Variants in BCKDHB observed in about 807,000 individuals in gnomAD.
The protein encoded by BCKDHB is branched chain keto acid dehydrogenase E1 subunit beta.
In BCKDHB, 41 loss-of-function variants were observed where a neutral mutation model predicts 48.5. The observed-to-expected ratio is 0.85, with a 90% CI of 0.66 to 1.10. BCKDHB has a LOEUF of 1.10. Ranked by LOEUF, BCKDHB falls within the 50% of genes least tolerant of loss-of-function variation. The probability of loss-of-function intolerance (pLI) is 0.00; values close to 1 mark genes in which losing one functional copy is unlikely to be tolerated. For synonymous variants in BCKDHB, 201 were observed against 174.8 expected, an observed-to-expected ratio of 1.15 and a Z score of -1.18; for missense variants, 496 against 494.2, an observed-to-expected ratio of 1.00 and a Z score of -0.03.
intron 8 of BCKDHB, among the ~76,000 whole-genome samples, chr6:80,252,339 C>T (rs535354984): frequency 1.3e-5 from 2 of 152,122 alleles, no homozygotes; most frequent in African/African-American, 2.4e-5. Flanking sequence ...ACAATGTTAT[C>T]GCTCAGATCA....
chr6:80,400,629 A>T, the BCKDHB span, among the ~76,000 whole-genome samples: 1 of 152,100 alleles, frequency 6.6e-6, no homozygotes, highest in South Asian at 2.1e-4. Flanking sequence ...GGGAGTTTAA[A>T]CTAGTTCAAC....
intron 9 of BCKDHB, among the ~76,000 whole-genome samples, chr6:80,328,809 C>T (rs1192814828): frequency 2.0e-5 from 3 of 152,052 alleles, no homozygotes; most frequent in Non-Finnish European, 4.4e-5. Flanking sequence ...GAGAGAATGT[C>T]AATGAGGGAG....
At position 80,165,519 on chromosome 6, in the gene BCKDHB, T is replaced by C. The variant is rs190376842; in HGVS notation, c.344-2159T>C. On this transcript the variant is annotated intron_variant, in intron 3 of 9. Coordinates refer to ENST00000320393, the MANE Select transcript of BCKDHB (RefSeq NM_183050.4). ...TATATATGAAAAAGAACTGGTATCCTTGGATTATGGAAGTGAAATATGAAT... is the reference window on the plus strand; with the variant it reads ...TATATATGAAAAAGAACTGGTATCCCTGGATTATGGAAGTGAAATATGAAT... 3.3e-5 allele frequency among the ~76,000 whole-genome samples: 5 copies of C among 152,322 alleles called. No individual in the cohort carries two copies. The East Asian group carries it at 9.6e-4, about 29-fold the overall frequency.
At chr6:80,176,614 AG>A (rs1295553043) in intron 6 of BCKDHB, among the ~76,000 whole-genome samples, 1 of 152,088 alleles carries the variant, frequency 6.6e-6, no homozygotes, top group Non-Finnish European at 1.5e-5. Flanking sequence ...CTCTTGGAGA[AG>A]AAAAAAAAAA....
At chr6:80,328,467 A>G (rs1256934401) in intron 9 of BCKDHB, among the ~76,000 whole-genome samples, 1 of 152,186 alleles carries the variant, frequency 6.6e-6, no homozygotes, top group East Asian at 1.9e-4. Flanking sequence ...ATGTTTTGTC[A>G]TTCTTTAGTT....
At chr6:80,431,291 A>G in the BCKDHB span, among the ~76,000 whole-genome samples, 3 of 152,314 alleles carry the variant, frequency 2.0e-5, no homozygotes, top group South Asian at 6.2e-4. Context: ...AAGAATGTAT[A>G]TTCTGTTGAT....
intron 9 of BCKDHB, among the ~76,000 whole-genome samples, chr6:80,323,077 A>G (rs1375437081): frequency 6.6e-6 from 1 of 152,060 alleles, no homozygotes; most frequent in African/African-American, 2.4e-5. Context: ...GCATAACTGG[A>G]CTAGTCACTT....
chr6:80,326,867 A>G (rs1478724625), intron 9 of BCKDHB, among the ~76,000 whole-genome samples: 1 of 152,180 alleles, frequency 6.6e-6, no homozygotes, highest in Non-Finnish European at 1.5e-5. Context: ...CTCAGTCTCA[A>G]AAGAAAAGAA....
chr6:80,354,946 A>G, the BCKDHB span, among the ~76,000 whole-genome samples: 2 of 152,306 alleles, frequency 1.3e-5, no homozygotes, highest in African/African-American at 2.4e-5. Flanking sequence ...TGATGCCTCC[A>G]GCTTTGTTCT....
chr6:80,439,199 T>A, the BCKDHB span, among the ~76,000 whole-genome samples: 1 of 152,168 alleles, frequency 6.6e-6, no homozygotes, highest in South Asian at 2.1e-4. Context: ...TACAACCTAG[T>A]TCAGAGGTTT....
chr6:80,107,518 T>TATACATATGCAC (rs1769166677), intron 1 of BCKDHB, among the ~76,000 whole-genome samples: 1 of 121,686 alleles, frequency 8.2e-6, no homozygotes, highest in Admixed American at 7.7e-5. Context: ...TGTGCGCATA[T>TATACATATGCAC]ATATATATAT....
rs138306461 is a variant in BCKDHB at position 80,170,226 on chromosome 6, T to G, written c.634-1056T>G. On this transcript the variant is annotated intron_variant, in intron 5 of 9. Transcript: ENST00000320393. ...TTTTTTATACAGAAAATAGTGACATTTTTGCTGCTCTTTTATTTTTAAAAT... is the reference window on the plus strand; with the variant it reads ...TTTTTTATACAGAAAATAGTGACATGTTTGCTGCTCTTTTATTTTTAAAAT... Among the ~76,000 whole-genome samples the G allele has an allele frequency of 1.7e-3, 265 of 152,278 alleles. 1 individual carries two copies. The highest frequency in any genetic ancestry group is 6.0e-3 in the African/African-American group (251 of 41,562).
At chr6:80,352,897 A>T in the BCKDHB span, among the ~76,000 whole-genome samples, 2 of 152,146 alleles carry the variant, frequency 1.3e-5, no homozygotes, top group Admixed American at 1.3e-4. Flanking sequence ...TACTCCATGG[A>T]AGTTTATTTT....
At chr6:80,253,964 T>A (rs1233667893) in intron 8 of BCKDHB, among the ~76,000 whole-genome samples, 1 of 151,892 alleles carries the variant, frequency 6.6e-6, no homozygotes, top group East Asian at 1.9e-4. Flanking sequence ...TAAGCAACAT[T>A]TCATAATAAA....
At chr6:80,326,511 C>T (rs1769036174) in intron 9 of BCKDHB, among the ~76,000 whole-genome samples, 1 of 152,172 alleles carries the variant, frequency 6.6e-6, no homozygotes. Flanking sequence ...CTGGATTTCA[C>T]TAAAATTAAC....
the BCKDHB span, among the ~76,000 whole-genome samples, chr6:80,397,415 G>T: frequency 1.3e-5 from 2 of 152,288 alleles, no homozygotes; most frequent in Non-Finnish European, 2.9e-5. Flanking sequence ...GTGTATGTGT[G>T]TGTGTTTTTC....
chr6:80,392,012 A>G, the BCKDHB span, among the ~76,000 whole-genome samples: 1 of 152,024 alleles, frequency 6.6e-6, no homozygotes, highest in Non-Finnish European at 1.5e-5. Context: ...GTTATTATTG[A>G]GATGGAGTCC....
At chr6:80,418,186 G>A in the BCKDHB span, among the ~76,000 whole-genome samples, 6 of 152,036 alleles carry the variant, frequency 3.9e-5, no homozygotes, top group African/African-American at 9.7e-5. Flanking sequence ...CTATCAGGTC[G>A]TTTGTTTTAC....
intron 8 of BCKDHB, among the ~76,000 whole-genome samples, chr6:80,226,927 T>A (rs1283399911): frequency 6.6e-6 from 1 of 152,198 alleles, no homozygotes; most frequent in African/African-American, 2.4e-5. Flanking sequence ...GGTTGCTGGA[T>A]GACCTTGGGC....
Sources: allele counts gnomAD v4.1 joint callset (sites outside exome capture counted in the v4.1 genomes callset), GRCh38; gene constraint gnomAD v4.1.1; transcripts MANE v1.5; gene names NCBI Gene and HGNC (gene_info 2026-07-23, HGNC 2026-07-21).